The following PTPRC variants were observed in gnomAD, a reference collection of about 807,000 sequenced individuals.
The protein encoded by PTPRC is protein tyrosine phosphatase receptor type C.
In PTPRC, 44 loss-of-function variants were observed where a neutral mutation model predicts 155.9. The observed-to-expected ratio is 0.28, with a 90% CI of 0.22 to 0.36. The LOEUF is 0.36. Among genes scored for constraint, PTPRC ranks in the 10% least tolerant of loss-of-function variants. PTPRC has a pLI of 1.00. For synonymous variants in PTPRC, 525 were observed against 533.1 expected (o/e 0.98, Z 0.21); for missense variants, 1,401 against 1,564.6 (o/e 0.90, Z 1.76).
chr1:198,716,763 C>T lies in PTPRC; in HGVS notation c.1373C>T (p.Ser458Leu), dbSNP rs774087579. The T allele has an allele frequency of 6.2e-7, 1 of 1,613,150 alleles. No individual in the cohort carries two copies. Among genetic ancestry groups the T allele is most frequent in the South Asian group, 1.1e-5 (1 of 91,032 alleles). The change falls in exon 13 of 33, where the codon TCA (serine) becomes TTA (leucine). Residue 458 changes from serine (S) to leucine (L), a missense_variant. Ser to Leu is a moderately radical substitution (Grantham distance 145, BLOSUM62 -2). Around this residue, in one of 3 missense-constraint regions of PTPRC, gnomAD observed 867 missense variants for 970.4 expected, o/e 0.89. Transcript: ENST00000442510. Reference sequence around the variant, plus strand: ...AAACCTTATACGAAATATGTTTTATCATTACATGCCTACATCATTGCAAAA... The same window carrying T: ...AAACCTTATACGAAATATGTTTTATTATTACATGCCTACATCATTGCAAAA... Reference protein sequence around the residue: ...NLKPYTKYVLSLHAYIIAKVQ... With the variant: ...NLKPYTKYVLLLHAYIIAKVQ...
At chr1:198,696,625 G>A (rs1041715101) in intron 3 of PTPRC, 87 bp from the exon 4 acceptor site, 15 of 1,069,156 alleles carry the variant, frequency 1.4e-5, no homozygotes, top group Middle Eastern at 2.0e-4. Flanking sequence ...TAGTGGACTG[G>A]GGAGTTAGTA....
intron 2 of PTPRC, among the ~76,000 whole-genome samples, chr1:198,654,581 A>G (rs1353533637): frequency 6.6e-6 from 1 of 151,792 alleles, no homozygotes; most frequent in African/African-American, 2.4e-5. Flanking sequence ...TCTTTAATCA[A>G]TAAAATATGG....
intron 18 of PTPRC, 43 bp downstream of exon 18, chr1:198,731,769 G>T: frequency 7.0e-7 from 1 of 1,427,286 alleles, no homozygotes; most frequent in South Asian, 1.1e-5. Context: ...TCGACATCAA[G>T]ACAGTTCCAC....
intron 23 of PTPRC, among the ~76,000 whole-genome samples, chr1:198,736,842 C>T (rs1654666121): frequency 6.6e-6 from 1 of 151,676 alleles, no homozygotes; most frequent in African/African-American, 2.4e-5. Context: ...CACATCCTTG[C>T]AAGCATTCAT....
chr1:198,671,624 C>T (rs1447208771), intron 2 of PTPRC, among the ~76,000 whole-genome samples: 1 of 152,188 alleles, frequency 6.6e-6, no homozygotes, highest in Non-Finnish European at 1.5e-5. Context: ...AGACCAATTT[C>T]TCCAACTATG....
At chr1:198,686,140 A>G (rs1665612074) in intron 2 of PTPRC, among the ~76,000 whole-genome samples, 1 of 152,124 alleles carries the variant, frequency 6.6e-6, no homozygotes, top group Non-Finnish European at 1.5e-5. Flanking sequence ...AAAGAAACAT[A>G]TTGGGAAAGG....
intron 2 of PTPRC, among the ~76,000 whole-genome samples, chr1:198,678,155 G>C (rs1308414512): frequency 6.6e-6 from 1 of 152,168 alleles, no homozygotes; most frequent in Non-Finnish European, 1.5e-5. Context: ...ACTATAGCAA[G>C]AGTAAATCCA....
At chr1:198,645,002 A>G (rs1222993752) in intron 2 of PTPRC, among the ~76,000 whole-genome samples, 1 of 151,838 alleles carries the variant, frequency 6.6e-6, no homozygotes, top group Non-Finnish European at 1.5e-5. Flanking sequence ...AATGATCATC[A>G]TTCATTTATT....
chr1:198,733,573 C>T (rs540706007), intron 20 of PTPRC, among the ~76,000 whole-genome samples: 1 of 151,744 alleles, frequency 6.6e-6, no homozygotes, highest in Non-Finnish European at 1.5e-5. Context: ...ATTTAGGAGT[C>T]TGAGATAATT....
intron 23 of PTPRC, among the ~76,000 whole-genome samples, chr1:198,741,278 A>G (rs904775280): frequency 5.3e-5 from 8 of 151,764 alleles, no homozygotes; most frequent in Admixed American, 5.3e-4. Flanking sequence ...AACAAACCTG[A>G]GCTCTAATCT....
At chr1:198,674,190 C>T (rs1346712736) in intron 2 of PTPRC, among the ~76,000 whole-genome samples, 4 of 152,026 alleles carry the variant, frequency 2.6e-5, no homozygotes, top group Non-Finnish European at 5.9e-5. Flanking sequence ...CTCCTTTTTA[C>T]GACACTTGGA....
intron 2 of PTPRC, among the ~76,000 whole-genome samples, chr1:198,678,835 T>A (rs1179650579): frequency 6.6e-6 from 1 of 152,054 alleles, no homozygotes; most frequent in Non-Finnish European, 1.5e-5. Flanking sequence ...CCCCCCCAGT[T>A]TTTTCTTCTT....
chr1:198,735,599 GA>G (rs564008292), intron 23 of PTPRC, among the ~76,000 whole-genome samples: 22 of 151,192 alleles, frequency 1.5e-4, no homozygotes, highest in Non-Finnish European at 2.5e-4. Context: ...CTACTTTTAT[GA>G]AAAAAAATTA....
At chr1:198,686,671 G>C (rs1237967844) in intron 2 of PTPRC, among the ~76,000 whole-genome samples, 1 of 152,080 alleles carries the variant, frequency 6.6e-6, no homozygotes, top group Non-Finnish European at 1.5e-5. Flanking sequence ...TGTTCATAAA[G>C]AATGTTTACA....
chr1:198,740,317 C>T (rs970049663), intron 23 of PTPRC, among the ~76,000 whole-genome samples: 6 of 151,968 alleles, frequency 3.9e-5, no homozygotes, highest in Middle Eastern at 3.4e-3. Context: ...GTGGCTCATG[C>T]CTGTAATCCC....
intron 4 of PTPRC, among the ~76,000 whole-genome samples, chr1:198,697,713 T>C (rs908800991): frequency 1.3e-5 from 2 of 152,218 alleles, no homozygotes; most frequent in African/African-American, 4.8e-5. Flanking sequence ...ATAGACATAC[T>C]CTGATAAAAG....
chr1:198,666,417 C>G (rs1367886795), intron 2 of PTPRC, among the ~76,000 whole-genome samples: 1 of 151,684 alleles, frequency 6.6e-6, no homozygotes, highest in East Asian at 1.9e-4. Flanking sequence ...CATAGTGGCT[C>G]CAAAACAGAT....
At chr1:198,650,717 C>G (rs1663199499) in intron 2 of PTPRC, among the ~76,000 whole-genome samples, 1 of 151,664 alleles carries the variant, frequency 6.6e-6, no homozygotes, top group Non-Finnish European at 1.5e-5. Flanking sequence ...GAGCTTAAAG[C>G]TAAGGGACTG....
intron 2 of PTPRC, among the ~76,000 whole-genome samples, chr1:198,647,517 A>C (rs1011776664): frequency 6.6e-6 from 1 of 151,962 alleles, no homozygotes; most frequent in African/African-American, 2.4e-5. Flanking sequence ...GGAAAATGTC[A>C]AGAAATAGAA....
Sources: gnomAD v4.1 joint callset for allele counts (sites outside exome capture counted in the v4.1 genomes callset) on GRCh38, gnomAD v4.1.1 for gene constraint, gnomAD v4.1.1 regional missense constraint, MANE v1.5 for transcripts, NCBI Gene and HGNC (gene_info 2026-07-23, HGNC 2026-07-21) for gene names.